Variants in RGS7 observed in about 807,000 individuals in gnomAD.
The protein encoded by RGS7 is regulator of G protein signaling 7.
In RGS7, 27 loss-of-function variants were observed where a neutral mutation model predicts 81.1. The ratio of observed to expected loss-of-function variants is 0.33; its 90% CI spans 0.25 to 0.46. RGS7 has a LOEUF of 0.46. Ranked by LOEUF, RGS7 falls within the 20% of genes least tolerant of loss-of-function variation. RGS7 has a pLI of 1.00. For synonymous variants in RGS7, 208 were observed against 207.7 expected, an observed-to-expected ratio of 1.00 and a Z score of -0.01; for missense variants, 396 against 607.4, an observed-to-expected ratio of 0.65 and a Z score of 3.66.
At chr1:240,935,754 C>T (rs1173933636) in intron 5 of RGS7, among the ~76,000 whole-genome samples, 5 of 152,154 alleles carry the variant, frequency 3.3e-5, no homozygotes, top group Admixed American at 6.5e-5. Context: ...TTTATGTAGA[C>T]ATAGAGCATT....
chr1:240,777,017 G>A (rs751834409), intron 18 of RGS7, among the ~76,000 whole-genome samples: 5 of 152,306 alleles, frequency 3.3e-5, no homozygotes, highest in African/African-American at 9.6e-5. Flanking sequence ...ATTTGAGACC[G>A]GGCGCAGTGG....
Position 240,908,085 on chromosome 1 carries a change from G to T in RGS7, c.385+22632C>A, listed in dbSNP as rs542750262. 4.0e-5 allele frequency among the ~76,000 whole-genome samples: 6 copies of T among 151,322 alleles called. 1 individual carries two copies. In the South Asian group the frequency reaches 1.3e-3, roughly 32 times the overall value. ...AACTTTTTCTTTAGAAAAATGTTCA[G>T]TGATATCCAAGGGCAGAAAACCAAA... On this transcript the variant is annotated intron_variant, in intron 6 of 18. Coordinates refer to ENST00000440928, the MANE Select transcript of RGS7 (RefSeq NM_001364886.1).
At chr1:240,946,761 C>T (rs186630293) in intron 4 of RGS7, among the ~76,000 whole-genome samples, 2 of 152,118 alleles carry the variant, frequency 1.3e-5, no homozygotes, top group Admixed American at 1.3e-4. Flanking sequence ...TCAATGGGTA[C>T]AAAATTACAC....
intron 18 of RGS7, among the ~76,000 whole-genome samples, chr1:240,798,807 A>G (rs1044390688): frequency 3.3e-5 from 5 of 152,108 alleles, no homozygotes; most frequent in African/African-American, 1.2e-4. Flanking sequence ...CCTAGACTAC[A>G]TATTTGTTTA....
At chr1:241,328,505 C>T (rs1363302846) in intron 2 of RGS7, among the ~76,000 whole-genome samples, 2 of 152,170 alleles carry the variant, frequency 1.3e-5, no homozygotes, top group Non-Finnish European at 2.9e-5. Flanking sequence ...GTCTTTGTGC[C>T]AATGCAAACT....
intron 2 of RGS7, among the ~76,000 whole-genome samples, chr1:241,335,724 G>C (rs1474399104): frequency 6.6e-6 from 1 of 152,000 alleles, no homozygotes; most frequent in Admixed American, 6.6e-5. Flanking sequence ...GTGATGTGCT[G>C]GTAGATGCTC....
At chr1:240,912,340 A>G in intron 6 of RGS7, among the ~76,000 whole-genome samples, 1 of 152,050 alleles carries the variant, frequency 6.6e-6, no homozygotes, top group East Asian at 1.9e-4. Flanking sequence ...AAATGCAAAT[A>G]TCAAATTAAT....
intron 2 of RGS7, among the ~76,000 whole-genome samples, chr1:241,119,570 G>C (rs1164478336): frequency 6.6e-6 from 1 of 152,142 alleles, no homozygotes; most frequent in East Asian, 1.9e-4. Flanking sequence ...CCCAGGAATG[G>C]CATGTACTGA....
intron 5 of RGS7, among the ~76,000 whole-genome samples, chr1:240,934,715 CCTAT>C (rs1193383431): frequency 7.9e-5 from 12 of 151,886 alleles, no homozygotes; most frequent in African/African-American, 1.7e-4. Flanking sequence ...TTTATATCTG[CCTAT>C]CTATCTCAGC....
At chr1:241,308,068 A>C (rs561474893) in intron 2 of RGS7, among the ~76,000 whole-genome samples, 1 of 151,834 alleles carries the variant, frequency 6.6e-6, no homozygotes, top group South Asian at 2.1e-4. Context: ...ATTAGGTATA[A>C]CTCTGGAGAC....
At chr1:241,171,968 T>G (rs1337061873) in intron 2 of RGS7, among the ~76,000 whole-genome samples, 1 of 152,044 alleles carries the variant, frequency 6.6e-6, no homozygotes, top group Non-Finnish European at 1.5e-5. Context: ...GTGTCTGTGC[T>G]CTTCTTAAAA....
rs1681272789 is a variant in RGS7 at position 240,960,597 on chromosome 1, G to C, written c.226+22482C>G. 2.3e-5 allele frequency among the ~76,000 whole-genome samples: 3 copies of C among 128,888 alleles called. No homozygotes were observed. In the Admixed American group the frequency reaches 2.6e-4, roughly 11 times the overall value. 84.6% of individuals were successfully genotyped at this position (128,888 alleles called of 152,430 possible). ...GAAGTCTTTGAATCCAACTTTAAAA[G>C]CCAAGTGAAAACCTCAGAAAACAAA... is the stretch of plus-strand genomic sequence containing the variant. On this transcript the variant is annotated intron_variant, in intron 4 of 18. Transcript: ENST00000440928.
chr1:241,054,485 G>A (rs2061391627), intron 3 of RGS7, among the ~76,000 whole-genome samples: 1 of 152,140 alleles, frequency 6.6e-6, no homozygotes, highest in Non-Finnish European at 1.5e-5. Flanking sequence ...GGAGCTCATA[G>A]AATGAATGAT....
At chr1:241,087,037 T>G (rs144678676) in intron 3 of RGS7, among the ~76,000 whole-genome samples, 43 of 152,320 alleles carry the variant, frequency 2.8e-4, no homozygotes, top group African/African-American at 1.0e-3. Flanking sequence ...TCTCACTTTC[T>G]TGATTTGTCC....
chr1:240,842,226 T>TCTCACTC (rs771356593), intron 9 of RGS7, among the ~76,000 whole-genome samples: 15 of 143,332 alleles, frequency 1.0e-4, no homozygotes, highest in Non-Finnish European at 2.1e-4. Context: ...TGAGACAGAG[T>TCTCACTC]CTCACTCTGT....
chr1:240,902,766 C>T (rs546541060), intron 6 of RGS7, among the ~76,000 whole-genome samples: 22 of 152,172 alleles, frequency 1.4e-4, no homozygotes, highest in African/African-American at 2.4e-4. Context: ...AATGACAGAA[C>T]GTTATGCAAC....
At chr1:241,098,031 T>C (rs896101439) in intron 3 of RGS7, among the ~76,000 whole-genome samples, 3 of 152,210 alleles carry the variant, frequency 2.0e-5, no homozygotes, top group Admixed American at 6.5e-5. Context: ...AGCCTTACCC[T>C]TGTCACAGTG....
intron 16 of RGS7, 56 bp from the exon 17 acceptor site, chr1:240,801,564 G>A: frequency 1.6e-6 from 2 of 1,219,594 alleles, no homozygotes; most frequent in Non-Finnish European, 2.4e-6. Context: ...TTAAAAAAAA[G>A]AAAGAAAGCA....
At chr1:240,928,108 A>T (rs1420041759) in intron 6 of RGS7, among the ~76,000 whole-genome samples, 1 of 152,204 alleles carries the variant, frequency 6.6e-6, no homozygotes, top group Non-Finnish European at 1.5e-5. Context: ...CCGTAGCTGT[A>T]ACACCCATAG....
Sources: gnomAD v4.1 joint callset for allele counts (sites outside exome capture counted in the v4.1 genomes callset) on GRCh38, gnomAD v4.1.1 for gene constraint, MANE v1.5 for transcripts, NCBI Gene and HGNC (gene_info 2026-07-23, HGNC 2026-07-21) for gene names.